ACO2: variants seen among roughly 807,000 people sequenced by gnomAD.
The protein encoded by ACO2 is aconitate hydratase, mitochondrial.
ACO2 carries 31 observed loss-of-function variants against 84.5 expected under a neutral mutation model. That is an observed-to-expected ratio of 0.37 (90% CI 0.28 to 0.50). The LOEUF is 0.50. ACO2 is among the 20% of genes least tolerant of loss of function. The pLI, the probability that ACO2 is intolerant of heterozygous loss-of-function variation, is 0.97. For synonymous variants in ACO2, 414 were observed against 412.7 expected (o/e 1.00, Z -0.04); for missense variants, 685 against 1,029.3 (o/e 0.67, Z 4.58).
At chr22:41,513,972 A>G (rs868771061) in intron 4 of ACO2, among the ~76,000 whole-genome samples, 1 of 141,044 alleles carries the variant, frequency 7.1e-6, no homozygotes, top group Non-Finnish European at 1.6e-5. Context: ...TACACCGTGT[A>G]GACCACCCCG....
At chr22:41,471,227 C>T (rs2146072617) in intron 1 of ACO2, among the ~76,000 whole-genome samples, 1 of 152,296 alleles carries the variant, frequency 6.6e-6, no homozygotes. Context: ...GTGGAAAAAT[C>T]TAAGACCTTG....
In ACO2 at chr22:41,527,283, G is replaced by T. The variant is rs1601936425; in HGVS notation, c.1954-5G>T. ...CTTATAACCTTACCCCCGCTTGCCT[G>T]ACAGAAACATGGCATCAGGTGGGTG... On this transcript the variant is annotated splice_polypyrimidine_tract_variant and splice_region_variant and intron_variant, in intron 15 of 17. Coordinates refer to ENST00000216254, the MANE Select transcript of ACO2 (RefSeq NM_001098.3). The T allele has an allele frequency of 6.2e-7, 1 of 1,614,188 alleles. No individual in the cohort carries two copies.
At chr22:41,526,637 G>A in intron 15 of ACO2, 184 bp downstream of exon 15, 2 of 581,492 alleles carry the variant, frequency 3.4e-6, no homozygotes, top group Non-Finnish European at 5.8e-6. Context: ...ATGAGGCCCA[G>A]GTCCGGTGGT....
intron 1 of ACO2, among the ~76,000 whole-genome samples, chr22:41,479,564 G>C (rs2038063159): frequency 6.6e-6 from 1 of 152,210 alleles, no homozygotes; most frequent in Non-Finnish European, 1.5e-5. Context: ...CTGTGGAGTG[G>C]GCTGGATATA....
At chr22:41,491,083 T>G (rs941202351) in intron 1 of ACO2, among the ~76,000 whole-genome samples, 1 of 151,912 alleles carries the variant, frequency 6.6e-6, no homozygotes, top group African/African-American at 2.4e-5. Flanking sequence ...GAAATGTATT[T>G]GGAGTTTGAT....
intron 1 of ACO2, chr22:41,469,449 C>T (rs913740120): frequency 1.3e-5 from 6 of 454,044 alleles, no homozygotes; most frequent in African/African-American, 4.1e-5. Flanking sequence ...GGAGGCACCT[C>T]TTTCTTCTTT....
chr22:41,513,548 C>T (rs1027727736), intron 4 of ACO2, among the ~76,000 whole-genome samples: 10 of 152,218 alleles, frequency 6.6e-5, no homozygotes, highest in African/African-American at 2.2e-4. Context: ...GGAGCCTCCC[C>T]GGCCCTCCCC....
intron 14 of ACO2, 21 bp from the exon 15 acceptor site, chr22:41,526,241 C>A (rs2066593383): frequency 6.2e-7 from 1 of 1,606,786 alleles, no homozygotes; most frequent in Non-Finnish European, 8.5e-7. Flanking sequence ...TGACCTCTGT[C>A]CTCTCTACTT....
intron 2 of ACO2, among the ~76,000 whole-genome samples, chr22:41,503,791 A>G (rs2066371373): frequency 6.6e-6 from 1 of 152,166 alleles, no homozygotes; most frequent in Non-Finnish European, 1.5e-5. Flanking sequence ...CAGGAATACT[A>G]CCAAGCATCC....
intron 2 of ACO2, among the ~76,000 whole-genome samples, chr22:41,505,452 A>AATG (rs1407128031): frequency 6.6e-6 from 1 of 151,624 alleles, no homozygotes; most frequent in African/African-American, 2.4e-5. Flanking sequence ...TAATAATAAT[A>AATG]ATGAAAATGG....
intron 3 of ACO2, among the ~76,000 whole-genome samples, chr22:41,508,448 A>G (rs1290307715): frequency 6.6e-6 from 1 of 152,122 alleles, no homozygotes. Flanking sequence ...CTGACCCTCC[A>G]AGGACCCTCT....
Position 41,528,781 on chromosome 22 carries a change from C to G in ACO2, c.*168C>G. 1 of 958,012 alleles carries G rather than the reference C, an allele frequency of 1.0e-6. No individual in the cohort carries two copies. The highest frequency in any genetic ancestry group is 1.8e-5 in the South Asian group (1 of 55,214). The allele number at this position is 958,012 out of a possible 1,614,324, so 59.3% of individuals were successfully genotyped here. ...TGACTGTGGTTGTGGTGGGGGGGTT[C>G]TTAAAATAACTTTTTAGCCCCCGTC... is the stretch of plus-strand genomic sequence containing the variant. On this transcript the variant is annotated 3_prime_UTR_variant, in exon 18 of 18. Coordinates refer to ENST00000216254, the MANE Select transcript of ACO2 (RefSeq NM_001098.3).
In ACO2 at chr22:41,515,689, G is replaced by T. The variant is rs1200953057; in HGVS notation, c.685-78G>T. Reference sequence around the variant, plus strand: ...AGACCAATAAGCAGCAATGTGAATGGCAGCAGGGCCATCCTGACTTCGTGG... The same window carrying T: ...AGACCAATAAGCAGCAATGTGAATGTCAGCAGGGCCATCCTGACTTCGTGG... On this transcript the variant is annotated intron_variant, in intron 5 of 17. Coordinates refer to ENST00000216254, the MANE Select transcript of ACO2 (RefSeq NM_001098.3). The surrounding 1 kb of genome is among the most constrained non-coding windows in gnomAD (Gnocchi z 5.8). 1.2e-6 allele frequency: 2 copies of T among 1,605,886 alleles called. No individual in the cohort carries two copies. The highest frequency in any genetic ancestry group is 1.7e-5 in the Admixed American group (1 of 59,912).
At chr22:41,526,573 G>T (rs560915009) in intron 15 of ACO2, 120 bp downstream of exon 15, 2 of 1,159,118 alleles carry the variant, frequency 1.7e-6, no homozygotes, top group South Asian at 3.2e-5. Context: ...GCCCAAAGGG[G>T]ACTGCTGTGG....
rs1324582808 is a variant in ACO2 at position 41,507,914 on chromosome 22, G to A, written c.297G>A (p.Gln99=). ...LRLRPDRVAM[Q]DATAQMAMLQ... ...TGCGGCCGGACCGTGTGGCCATGCA[G>A]GATGCGACGGCCCAGATGGCCATGC... The change falls in exon 3 of 18, where the codon CAG becomes CAA. Residue 99 remains glutamine (Q), a synonymous_variant. Transcript: ENST00000216254. The A allele has an allele frequency of 6.8e-6, 11 of 1,614,262 alleles. No individual in the cohort carries two copies. The highest frequency in any genetic ancestry group is 9.3e-6 in the Non-Finnish European group (11 of 1,180,048).
chr22:41,500,582 G>C (rs535751565), intron 2 of ACO2, among the ~76,000 whole-genome samples: 3 of 151,872 alleles, frequency 2.0e-5, no homozygotes, highest in South Asian at 4.2e-4. Context: ...ATGGGGTTTT[G>C]CCATGTTGCC....
At chr22:41,477,219 T>G (rs2038027785) in intron 1 of ACO2, among the ~76,000 whole-genome samples, 1 of 151,546 alleles carries the variant, frequency 6.6e-6, no homozygotes, top group South Asian at 2.1e-4. Flanking sequence ...AGTGGCGCGA[T>G]CTCCACTCAG....
chr22:41,520,223 C>T lies in ACO2; in HGVS notation c.1085C>T (p.Ala362Val), dbSNP rs1330164993. The change falls in exon 9 of 18, where the codon GCA becomes GTA. Residue 362 changes from alanine to valine, a missense_variant. Ala to Val is a moderately conservative substitution (Grantham distance 64). Around this residue, in one of 5 missense-constraint regions of ACO2, gnomAD observed 311 missense variants for 441.6 expected, o/e 0.70. Coordinates refer to ENST00000216254, the MANE Select transcript of ACO2 (RefSeq NM_001098.3). ...ACCCCTGACCTGGCTCACCCTGTGGCAGAAGTGGGCAAGGTGGCAGAGAAG... is the reference window on the plus strand; with the variant it reads ...ACCCCTGACCTGGCTCACCCTGTGGTAGAAGTGGGCAAGGTGGCAGAGAAG... ...PFTPDLAHPV[A>V]EVGKVAEKEG... The T allele has an allele frequency of 6.2e-7, 1 of 1,613,990 alleles. No individual in the cohort carries two copies. Among genetic ancestry groups the T allele is most frequent in the Admixed American group, 1.7e-5 (1 of 60,008 alleles).
chr22:41,486,374 A>G (rs559417766), intron 1 of ACO2, among the ~76,000 whole-genome samples: 2 of 151,476 alleles, frequency 1.3e-5, no homozygotes, highest in African/African-American at 2.4e-5. Flanking sequence ...GCTCACTGCA[A>G]CCTCTGCCTC....
Sources: gnomAD v4.1 joint callset for allele counts (sites outside exome capture counted in the v4.1 genomes callset) on GRCh38, gnomAD v4.1.1 for gene constraint, gnomAD v4.1.1 regional missense constraint, Gnocchi (gnomAD v3.1) non-coding constraint, MANE v1.5 for transcripts, NCBI Gene and HGNC (gene_info 2026-07-23, HGNC 2026-07-21) for gene names.